KIZ: variants seen among roughly 807,000 people sequenced by gnomAD.
KIZ encodes the protein kizuna centrosomal protein.
Under a neutral mutation model 79.6 loss-of-function variants are expected in KIZ, and 68 were observed. The observed-to-expected ratio is 0.85, with a 90% CI of 0.70 to 1.05. KIZ has a LOEUF of 1.05. Ranked by LOEUF, KIZ falls within the 50% of genes least tolerant of loss-of-function variation. The pLI is 0.00. For synonymous variants in KIZ, 280 were observed against 281.8 expected (o/e 0.99, Z 0.06); for missense variants, 797 against 800.4 (o/e 1.00, Z 0.05).
intron 6 of KIZ, among the ~76,000 whole-genome samples, chr20:21,172,364 A>C (rs1373003191): frequency 2.0e-5 from 3 of 152,176 alleles, no homozygotes; most frequent in Admixed American, 2.0e-4. Context: ...GCACTTTAGG[A>C]GGCTGAGGCG....
intron 6 of KIZ, among the ~76,000 whole-genome samples, chr20:21,171,694 C>T (rs2034211902): frequency 6.6e-6 from 1 of 152,240 alleles, no homozygotes. Flanking sequence ...ATCCACCCAC[C>T]TTGGCCTCCC....
chr20:21,140,830 T>C (rs1046671404), intron 3 of KIZ, among the ~76,000 whole-genome samples: 120 of 151,854 alleles, frequency 7.9e-4, no homozygotes, highest in East Asian at 5.8e-4. Context: ...AATTTAAAAA[T>C]AAAATTTAAA....
At chr20:21,149,897 A>G (rs147281495) in intron 4 of KIZ, among the ~76,000 whole-genome samples, 6 of 152,348 alleles carry the variant, frequency 3.9e-5, no homozygotes, top group Non-Finnish European at 5.9e-5. Flanking sequence ...CCCTAACACA[A>G]GGATTTGAGT....
At chr20:21,154,811 G>A (rs542896521) in intron 4 of KIZ, among the ~76,000 whole-genome samples, 31 of 152,186 alleles carry the variant, frequency 2.0e-4, no homozygotes, top group Non-Finnish European at 3.4e-4. Context: ...AGATTAAAGA[G>A]TACTCTGTTT....
intron 1 of KIZ, among the ~76,000 whole-genome samples, chr20:21,127,429 T>C (rs186535389): frequency 6.6e-6 from 1 of 152,244 alleles, no homozygotes; most frequent in African/African-American, 2.4e-5. Flanking sequence ...TTTTGTTTCC[T>C]GTGCTAGGAA....
At chr20:21,142,578 A>G (rs2032615958) in intron 3 of KIZ, among the ~76,000 whole-genome samples, 3 of 152,028 alleles carry the variant, frequency 2.0e-5, no homozygotes. Flanking sequence ...GTCATTATTT[A>G]AAGATGTGAT....
chr20:21,228,745 G>A (rs1478190814), intron 9 of KIZ, among the ~76,000 whole-genome samples: 1 of 152,282 alleles, frequency 6.6e-6, no homozygotes, highest in Middle Eastern at 3.4e-3. Flanking sequence ...GTTTTGCTGT[G>A]ATGGGGAACC....
chr20:21,142,990 C>T (rs1382869076), intron 3 of KIZ, among the ~76,000 whole-genome samples: 1 of 152,092 alleles, frequency 6.6e-6, no homozygotes, highest in Non-Finnish European at 1.5e-5. Context: ...AAGTGTGTAG[C>T]AAATACCACT....
At chr20:21,187,156 A>G (rs1398253036) in intron 6 of KIZ, among the ~76,000 whole-genome samples, 1 of 152,196 alleles carries the variant, frequency 6.6e-6, no homozygotes, top group African/African-American at 2.4e-5. Flanking sequence ...TTCAAAATCC[A>G]AATTCCCAAC....
intron 6 of KIZ, among the ~76,000 whole-genome samples, chr20:21,186,956 C>T (rs1247041009): frequency 6.6e-6 from 1 of 152,122 alleles, no homozygotes; most frequent in Non-Finnish European, 1.5e-5. Flanking sequence ...GATTCAGCAT[C>T]TTCAGTTTAA....
chr20:21,129,649 T>C (rs1420624895), intron 1 of KIZ, among the ~76,000 whole-genome samples: 1 of 151,934 alleles, frequency 6.6e-6, no homozygotes, highest in African/African-American at 2.4e-5. Context: ...ACAGAATCCC[T>C]TAAACCCAGG....
At chr20:21,226,986 A>G (rs1455561371) in intron 9 of KIZ, among the ~76,000 whole-genome samples, 2 of 152,074 alleles carry the variant, frequency 1.3e-5, no homozygotes, top group Non-Finnish European at 2.9e-5. Context: ...CTGAGCCCAC[A>G]CTCTTCAGGA....
intron 1 of KIZ, 34 bp from the exon 2 acceptor site, chr20:21,132,060 TATC>T: frequency 1.2e-6 from 1 of 862,780 alleles, no homozygotes. Context: ...CCCTGTTACT[TATC>T]ATGTAATTAC....
rs537605308 is a variant in KIZ at position 21,238,439 on chromosome 20, A to T, written c.1880+5609A>T. 2.6e-4 allele frequency among the ~76,000 whole-genome samples: 40 copies of T among 151,900 alleles called. No individual in the cohort carries two copies. The South Asian group carries it at 5.0e-3, about 19-fold the overall frequency. ...TGTGGACACATACATTTTCAAAGGG[A>T]GACTGGTAATGACTGTGAATATGCC... On this transcript the variant is annotated intron_variant, in intron 11 of 12. Transcript: ENST00000619189.
chr20:21,159,941 A>G (rs141870547), intron 4 of KIZ, among the ~76,000 whole-genome samples: 1 of 152,346 alleles, frequency 6.6e-6, no homozygotes, highest in Non-Finnish European at 1.5e-5. Flanking sequence ...AAACTCTTCT[A>G]AAGTGGGTGC....
rs776164580 is a variant in KIZ at position 21,145,665 on chromosome 20, A to G, written c.405+11A>G. 2 of 1,254,932 alleles carry G rather than the reference A, an allele frequency of 1.6e-6. No individual in the cohort carries two copies. The highest frequency in any genetic ancestry group is 2.9e-5 in the South Asian group (2 of 69,020). 77.7% of individuals were successfully genotyped at this position (1,254,932 alleles called of 1,614,324 possible). On this transcript the variant is annotated intron_variant, in intron 4 of 12. Coordinates refer to ENST00000619189, the MANE Select transcript of KIZ (RefSeq NM_018474.6). ...GAAGACAGAGAAAAGGTAATAAACT[A>G]AATTGGTAACCTTTCTGTTAACAGA...
At chr20:21,137,728 G>C (rs1038367423) in intron 3 of KIZ, among the ~76,000 whole-genome samples, 1 of 151,932 alleles carries the variant, frequency 6.6e-6, no homozygotes, top group African/African-American at 2.4e-5. Flanking sequence ...TGCAGGGACA[G>C]TCTCCTACAT....
chr20:21,145,193 T>C (rs2032783625), intron 3 of KIZ, among the ~76,000 whole-genome samples: 1 of 151,878 alleles, frequency 6.6e-6, no homozygotes, highest in African/African-American at 2.4e-5. Flanking sequence ...GCAAAACTTC[T>C]AAAAGGAAAC....
At chr20:21,233,382 GT>G (rs2123454541) in intron 11 of KIZ, among the ~76,000 whole-genome samples, 1 of 152,180 alleles carries the variant, frequency 6.6e-6, no homozygotes, top group South Asian at 2.1e-4. Context: ...CTTCTTGTAG[GT>G]TTTTTGAGCT....
Sources: gnomAD v4.1 joint callset for allele counts (sites outside exome capture counted in the v4.1 genomes callset) on GRCh38, gnomAD v4.1.1 for gene constraint, MANE v1.5 for transcripts, NCBI Gene and HGNC (gene_info 2026-07-23, HGNC 2026-07-21) for gene names.